OAT: variants seen among roughly 807,000 people sequenced by gnomAD.
The protein encoded by OAT is ornithine aminotransferase, also known as ornithine aminotransferase, mitochondrial.
OAT carries 35 observed loss-of-function variants against 48.4 expected under a neutral mutation model. The observed-to-expected ratio is 0.72, with a 90% confidence interval of 0.55 to 0.96. OAT has a LOEUF of 0.96. OAT is among the 40% of genes least tolerant of loss of function. The pLI is 0.00. For missense variants in OAT, 438 were observed against 537.9 expected, an observed-to-expected ratio of 0.81 and a Z score of 1.84; for synonymous variants, 182 against 198.4, an observed-to-expected ratio of 0.92 and a Z score of 0.70.
At chr10:124,400,630 G>A (rs1951379544) in intron 9 of OAT, among the ~76,000 whole-genome samples, 1 of 152,100 alleles carries the variant, frequency 6.6e-6, no homozygotes, top group African/African-American at 2.4e-5. Flanking sequence ...ACAGGCGCCT[G>A]TAATCCCAGC....
intron 7 of OAT, 76 bp downstream of exon 7, chr10:124,402,851 T>C: frequency 6.4e-7 from 1 of 1,563,688 alleles, no homozygotes; most frequent in Admixed American, 1.7e-5. Context: ...GTTGTCACAA[T>C]CAGTTGATGT....
At chr10:124,407,310 G>A in intron 4 of OAT, 1 of 985,390 alleles carries the variant, frequency 1.0e-6, no homozygotes, top group Non-Finnish European at 1.2e-6. Context: ...TACAGTTAGG[G>A]ACAGTCTTCC....
intron 9 of OAT, among the ~76,000 whole-genome samples, chr10:124,399,007 A>G (rs1468553833): frequency 6.6e-6 from 1 of 152,080 alleles, no homozygotes; most frequent in Non-Finnish European, 1.5e-5. Context: ...CAGACACTCC[A>G]GCCCAACAGA....
At chr10:124,415,745 T>C (rs1322785295) in intron 1 of OAT, among the ~76,000 whole-genome samples, 1 of 152,184 alleles carries the variant, frequency 6.6e-6, no homozygotes, top group Non-Finnish European at 1.5e-5. Flanking sequence ...GGTGATTCTG[T>C]CAATCTTTCT....
chr10:124,397,589 A>G lies in OAT; in HGVS notation c.*353T>C. 1 of 201,094 alleles carries G rather than the reference A, an allele frequency of 5.0e-6. No homozygotes were observed. The highest frequency in any genetic ancestry group is 8.4e-5 in the South Asian group (1 of 11,884). The allele number at this position is 201,094 out of a possible 1,614,324, so 12.5% of individuals were successfully genotyped here. A position where few individuals can be genotyped will look rare whatever the true frequency, so the allele number is the denominator to read the frequency against. ...TGCAATACCCAGAGATAACTTTTTC[A>G]AATATGAAACACTTATACCAGTGAG... On this transcript the variant is annotated 3_prime_UTR_variant, in exon 10 of 10. Coordinates refer to ENST00000368845, the MANE Select transcript of OAT (RefSeq NM_000274.4).
Position 124,398,627 on chromosome 10 carries a change from T to C in OAT, c.1160-525A>G, listed in dbSNP as rs964411788. Among the ~76,000 whole-genome samples the C allele has an allele frequency of 3.5e-5, 5 of 144,308 alleles. No individual in the cohort carries two copies. The East Asian group carries it at 6.0e-4, about 17-fold the overall frequency. 94.7% of individuals were successfully genotyped at this position (144,308 alleles called of 152,430 possible). ...GGTTTGAATGATATGATTAGACATA[T>C]CATAGTTTTTCATAAATGAAAAAGA... On this transcript the variant is annotated intron_variant, in intron 9 of 9. Coordinates refer to ENST00000368845, the MANE Select transcript of OAT (RefSeq NM_000274.4).
chr10:124,401,627 A>C (rs771663610), intron 8 of OAT, 99 bp downstream of exon 8: 19 of 796,562 alleles, frequency 2.4e-5, no homozygotes, highest in Non-Finnish European at 3.4e-5. Flanking sequence ...AATATTTGGC[A>C]TTCTTATTGA....
Position 124,397,595 on chromosome 10 carries a change from G to T in OAT, c.*347C>A. 1 of 201,762 alleles carries T rather than the reference G, an allele frequency of 5.0e-6. No homozygotes were observed. Among genetic ancestry groups the T allele is most frequent in the Non-Finnish European group, 1.0e-5 (1 of 97,968 alleles). The allele number at this position is 201,762 out of a possible 1,614,324, so 12.5% of individuals were successfully genotyped here. On this transcript the variant is annotated 3_prime_UTR_variant, in exon 10 of 10. Transcript: ENST00000368845. ...ACCCAGAGATAACTTTTTCAAATAT[G>T]AAACACTTATACCAGTGAGGAAATT...
intron 2 of OAT, among the ~76,000 whole-genome samples, chr10:124,410,510 A>G (rs937726650): frequency 2.0e-4 from 30 of 152,232 alleles, no homozygotes; most frequent in African/African-American, 6.3e-4. Flanking sequence ...CTCTATGGTT[A>G]TAAAAGAGAA....
intron 9 of OAT, among the ~76,000 whole-genome samples, chr10:124,398,715 T>C (rs2134442710): frequency 6.7e-6 from 1 of 148,696 alleles, no homozygotes; most frequent in South Asian, 2.1e-4. Flanking sequence ...AAGGAACTAA[T>C]GCAAAAGAAC....
At chr10:124,400,494 C>T (rs1190654403) in intron 9 of OAT, among the ~76,000 whole-genome samples, 1 of 151,246 alleles carries the variant, frequency 6.6e-6, no homozygotes, top group Non-Finnish European at 1.5e-5. Context: ...TGGGCTCACG[C>T]CTATAATCCC....
intron 8 of OAT, 64 bp from the exon 9 acceptor site, chr10:124,401,048 C>G (rs1470484955): frequency 3.3e-6 from 4 of 1,195,412 alleles, no homozygotes; most frequent in Non-Finnish European, 4.9e-6. Context: ...TGGAGGACAA[C>G]GGGGACTGTA....
chr10:124,403,289 C>T (rs895968434), intron 6 of OAT: 5 of 588,702 alleles, frequency 8.5e-6, no homozygotes. Flanking sequence ...CCATTCTGCC[C>T]TGCTCTACAT....
chr10:124,412,531 C>T (rs187314925), intron 1 of OAT, among the ~76,000 whole-genome samples: 3 of 151,540 alleles, frequency 2.0e-5, no homozygotes, highest in East Asian at 1.9e-4. Context: ...AATGGCCAGG[C>T]GTGATAGCTC....
chr10:124,403,972 G>A (rs750052454), intron 5 of OAT, 52 bp from the exon 6 acceptor site: 5 of 1,608,506 alleles, frequency 3.1e-6, no homozygotes, highest in Non-Finnish European at 4.3e-6. Context: ...ACCACACTTG[G>A]AAATCTGAAA....
At chr10:124,417,910 G>C (rs1266648133) in intron 1 of OAT, among the ~76,000 whole-genome samples, 2 of 152,244 alleles carry the variant, frequency 1.3e-5, no homozygotes, top group East Asian at 3.9e-4. Context: ...ACACCGAAAA[G>C]GTAAGATGTA....
rs556450798 is a variant in OAT at position 124,405,634 on chromosome 10, C to T, written c.521-71G>A. ...TTCAATAAGCACTATCCCCGCAAAACACCACAAGAAGTTTGACTCAAAAAA... is the reference window on the plus strand; with the variant it reads ...TTCAATAAGCACTATCCCCGCAAAATACCACAAGAAGTTTGACTCAAAAAA... On this transcript the variant is annotated intron_variant, in intron 4 of 9. Coordinates refer to ENST00000368845, the MANE Select transcript of OAT (RefSeq NM_000274.4). The T allele has an allele frequency of 1.0e-4, 163 of 1,595,682 alleles. 1 individual carries two copies. The South Asian group carries it at 1.6e-3, about 16-fold the overall frequency.
At chr10:124,404,562 C>T (rs776951060) in intron 5 of OAT, among the ~76,000 whole-genome samples, 4 of 151,804 alleles carry the variant, frequency 2.6e-5, no homozygotes, top group Non-Finnish European at 4.4e-5. Context: ...GCTGCGATTA[C>T]AGGCGTGAGT....
At chr10:124,402,829 T>C in intron 7 of OAT, 98 bp downstream of exon 7, 1 of 1,520,418 alleles carries the variant, frequency 6.6e-7, no homozygotes, top group Non-Finnish European at 9.1e-7. Context: ...AATCAAACAA[T>C]CTGAAAGCAT....
Sources: allele counts gnomAD v4.1 joint callset (sites outside exome capture counted in the v4.1 genomes callset), GRCh38; gene constraint gnomAD v4.1.1; transcripts MANE v1.5; gene names NCBI Gene and HGNC (gene_info 2026-07-23, HGNC 2026-07-21).